RIMS4: variants seen among roughly 807,000 people sequenced by gnomAD.
RIMS4 encodes the protein regulating synaptic membrane exocytosis 4.
A neutral mutation model predicts 29.0 loss-of-function variants in RIMS4; 9 were observed. The observed-to-expected ratio is 0.31, with a 90% CI of 0.19 to 0.54. The LOEUF (loss-of-function observed/expected upper bound fraction) is 0.54. Among genes scored for constraint, RIMS4 ranks in the 20% least tolerant of loss-of-function variants. The pLI is 0.94. For synonymous variants in RIMS4, 130 were observed against 152.9 expected, an observed-to-expected ratio of 0.85 and a Z score of 1.10; for missense variants, 193 against 365.7, an observed-to-expected ratio of 0.53 and a Z score of 3.85.
chr20:44,796,550 G>A (rs2066256035), intron 1 of RIMS4, among the ~76,000 whole-genome samples: 1 of 152,210 alleles, frequency 6.6e-6, no homozygotes, highest in Non-Finnish European at 1.5e-5. Flanking sequence ...GGCTCACAGT[G>A]TGACAGTGAA....
intron 1 of RIMS4, among the ~76,000 whole-genome samples, chr20:44,793,891 G>C (rs1242226096): frequency 6.6e-6 from 1 of 152,158 alleles, no homozygotes; most frequent in Non-Finnish European, 1.5e-5. Context: ...GCAACATAGC[G>C]AGATTCTGTC....
intron 1 of RIMS4, among the ~76,000 whole-genome samples, chr20:44,804,222 T>A (rs2066288516): frequency 6.6e-6 from 1 of 152,220 alleles, no homozygotes; most frequent in Non-Finnish European, 1.5e-5. Context: ...CAGAAAGCAA[T>A]GAGCATGGCC....
At chr20:44,770,645 C>T (rs1348203622) in intron 2 of RIMS4, among the ~76,000 whole-genome samples, 2 of 152,160 alleles carry the variant, frequency 1.3e-5, no homozygotes, top group Non-Finnish European at 2.9e-5. Flanking sequence ...GCAAGCTGCA[C>T]TGGTAACGTG....
intron 2 of RIMS4, among the ~76,000 whole-genome samples, chr20:44,763,738 C>T (rs574108695): frequency 1.5e-4 from 23 of 152,302 alleles, no homozygotes; most frequent in South Asian, 2.1e-4. Flanking sequence ...CTTGGTTTGG[C>T]CCCTGGATTT....
chr20:44,798,255 T>A (rs2066263130), intron 1 of RIMS4, among the ~76,000 whole-genome samples: 1 of 152,184 alleles, frequency 6.6e-6, no homozygotes, highest in African/African-American at 2.4e-5. Context: ...TATATATTCA[T>A]GAAAAACATT....
chr20:44,794,432 G>A lies in RIMS4; in HGVS notation c.97+15743C>T, dbSNP rs75166654. Among the ~76,000 whole-genome samples, 387 of 152,222 alleles carry A rather than the reference G, an allele frequency of 2.5e-3. 4 individuals carry two copies. In the East Asian group the frequency reaches 0.053, roughly 21 times the overall value. On this transcript the variant is annotated intron_variant, in intron 1 of 5. Coordinates refer to ENST00000372851, the MANE Select transcript of RIMS4 (RefSeq NM_182970.4). ...TCAAACTTAGCCTTAACTAAAGAGC[G>A]GTTTTCCTGTATTTTTTTATTTTAA...
intron 1 of RIMS4, among the ~76,000 whole-genome samples, chr20:44,807,926 TG>T (rs2066306066): frequency 6.6e-6 from 1 of 151,836 alleles, no homozygotes; most frequent in East Asian, 1.9e-4. Context: ...CCTCCTCACC[TG>T]GGAAACATTT....
Position 44,796,883 on chromosome 20 carries a change from T to G in RIMS4, c.97+13292A>C, listed in dbSNP as rs141355298. Reference sequence around the variant, plus strand: ...ACACTTGTTTCCTGTGTTCATCCTGTGCCTTTCTAGTACATTCTCCAAATA... The same window carrying G: ...ACACTTGTTTCCTGTGTTCATCCTGGGCCTTTCTAGTACATTCTCCAAATA... On this transcript the variant is annotated intron_variant, in intron 1 of 5. Coordinates refer to ENST00000372851, the MANE Select transcript of RIMS4 (RefSeq NM_182970.4). Among the ~76,000 whole-genome samples the G allele has an allele frequency of 2.3e-3, 347 of 152,380 alleles. 4 individuals are homozygous for G. Among genetic ancestry groups the G allele is most frequent in the African/African-American group, 7.4e-3 (308 of 41,584 alleles).
intron 2 of RIMS4, among the ~76,000 whole-genome samples, chr20:44,766,143 G>C (rs535206839): frequency 2.0e-5 from 3 of 152,130 alleles, no homozygotes; most frequent in African/African-American, 7.2e-5. Flanking sequence ...GGCCCTACCC[G>C]TTCCATTCCA....
chr20:44,767,264 T>C (rs975529505), intron 2 of RIMS4, among the ~76,000 whole-genome samples: 18 of 152,198 alleles, frequency 1.2e-4, no homozygotes, highest in Admixed American at 8.5e-4. Context: ...GTATGGTATG[T>C]CTGGAAGGTT....
chr20:44,802,845 G>A (rs2066282890), intron 1 of RIMS4, among the ~76,000 whole-genome samples: 1 of 152,110 alleles, frequency 6.6e-6, no homozygotes, highest in Non-Finnish European at 1.5e-5. Context: ...ACACTGGTCT[G>A]TCATCTCTAG....
chr20:44,771,137 G>T lies in RIMS4; in HGVS notation c.236+138C>A, dbSNP rs547750568. ...TACACTGCCTCCCTTCTGAAGATGG[G>T]GGATGAACCTGGAGCCCTGAGCTGG... On this transcript the variant is annotated intron_variant, in intron 2 of 5. Transcript: ENST00000372851. 9 of 943,782 alleles carry T rather than the reference G, an allele frequency of 9.5e-6. No individual in the cohort carries two copies. In the East Asian group the frequency reaches 1.8e-4, roughly 19 times the overall value. The allele number at this position is 943,782 out of a possible 1,614,324, so 58.5% of individuals were successfully genotyped here.
At chr20:44,804,107 C>A (rs2066288115) in intron 1 of RIMS4, among the ~76,000 whole-genome samples, 2 of 152,208 alleles carry the variant, frequency 1.3e-5, no homozygotes, top group Admixed American at 1.3e-4. Flanking sequence ...CTGAGAAAGT[C>A]ATGAATTCAA....
chr20:44,806,794 T>C (rs1409080823), intron 1 of RIMS4, among the ~76,000 whole-genome samples: 3 of 152,186 alleles, frequency 2.0e-5, no homozygotes, highest in Non-Finnish European at 4.4e-5. Flanking sequence ...TTCCCTCACT[T>C]CCTGGCTGAG....
chr20:44,800,381 T>C (rs2066272737), intron 1 of RIMS4, among the ~76,000 whole-genome samples: 1 of 151,940 alleles, frequency 6.6e-6, no homozygotes, highest in Non-Finnish European at 1.5e-5. Context: ...AATAACAGCA[T>C]AAAGCATTAT....
At chr20:44,797,591 T>C (rs1170332615) in intron 1 of RIMS4, among the ~76,000 whole-genome samples, 2 of 152,240 alleles carry the variant, frequency 1.3e-5, no homozygotes, top group African/African-American at 4.8e-5. Context: ...CTTCCACTAA[T>C]AAAATGGCAG....
chr20:44,762,851 A>T (rs955768513), intron 2 of RIMS4, among the ~76,000 whole-genome samples: 1 of 152,178 alleles, frequency 6.6e-6, no homozygotes, highest in Admixed American at 6.5e-5. Flanking sequence ...CTGCCTCTAC[A>T]ACTCACTAGC....
intron 1 of RIMS4, among the ~76,000 whole-genome samples, chr20:44,775,089 G>A (rs1235549647): frequency 6.6e-6 from 1 of 152,116 alleles, no homozygotes; most frequent in East Asian, 1.9e-4. Context: ...TCTCTCAACA[G>A]ACATCTATTG....
chr20:44,800,442 A>G (rs1188160075), intron 1 of RIMS4, among the ~76,000 whole-genome samples: 2 of 152,112 alleles, frequency 1.3e-5, no homozygotes, highest in Non-Finnish European at 2.9e-5. Flanking sequence ...GGATCAGAAG[A>G]CAGGGGTGCC....
Sources: allele counts gnomAD v4.1 joint callset (sites outside exome capture counted in the v4.1 genomes callset), GRCh38; gene constraint gnomAD v4.1.1; transcripts MANE v1.5; gene names NCBI Gene and HGNC (gene_info 2026-07-23, HGNC 2026-07-21).